The following CELF2 variants were observed in gnomAD, a reference collection of about 807,000 sequenced individuals.
The protein encoded by CELF2 is CUGBP Elav-like family member 2.
A neutral mutation model predicts 62.6 loss-of-function variants in CELF2; 8 were observed. The observed-to-expected ratio is 0.13, with a 90% CI of 0.07 to 0.23. The LOEUF is 0.23. Ranked by LOEUF, CELF2 falls within the 10% of genes least tolerant of loss-of-function variation. The probability of loss-of-function intolerance (pLI) is 1.00; values close to 1 mark genes in which losing one functional copy is unlikely to be tolerated. For missense variants in CELF2, 333 were observed against 671.0 expected, an observed-to-expected ratio of 0.50 and a Z score of 5.56; for synonymous variants, 258 against 250.0, an observed-to-expected ratio of 1.03 and a Z score of -0.30.
intron 1 of CELF2, among the ~76,000 whole-genome samples, chr10:10,851,589 C>A (rs1184723414): frequency 1.3e-5 from 2 of 152,174 alleles, no homozygotes; most frequent in African/African-American, 4.8e-5. Flanking sequence ...AATTGGACCT[C>A]ATTGAAACAA....
intron 1 of CELF2, among the ~76,000 whole-genome samples, chr10:10,828,000 TAAA>T (rs66721705): frequency 1.5e-4 from 9 of 60,712 alleles, no homozygotes; most frequent in East Asian, 1.1e-3. Context: ...AGGCTAGTCT[TAAA>T]AAAAAAAAAA....
At chr10:10,678,458 T>C in the CELF2 span, among the ~76,000 whole-genome samples, 6 of 152,132 alleles carry the variant, frequency 3.9e-5, no homozygotes, top group African/African-American at 1.4e-4. Flanking sequence ...GGTCTTTCCA[T>C]GGAACAGCAC....
the CELF2 span, among the ~76,000 whole-genome samples, chr10:10,513,508 T>C: frequency 6.6e-6 from 1 of 152,096 alleles, no homozygotes; most frequent in Non-Finnish European, 1.5e-5. Flanking sequence ...TCATCCAATA[T>C]AAACTGGGGA....
intron 2 of CELF2, among the ~76,000 whole-genome samples, chr10:10,941,596 T>C (rs2047056953): frequency 6.6e-6 from 1 of 152,186 alleles, no homozygotes; most frequent in African/African-American, 2.4e-5. Context: ...AACAGCCAAG[T>C]GACACCCAGC....
At position 11,330,739 on chromosome 10, in the gene CELF2, C is replaced by G. The variant is rs1566046516; in HGVS notation, c.*1686C>G. ...GAAAAAACCTGTGGCAAAAACGTTT[C>G]TTTCTTATTTTTTTTCTTTTCCTAA... is the stretch of plus-strand genomic sequence containing the variant. On this transcript the variant is annotated 3_prime_UTR_variant, in exon 13 of 13. Coordinates refer to ENST00000633077, the MANE Select transcript of CELF2 (RefSeq NM_001326342.2). This position sits in a 1 kb window ranked among gnomAD's most constrained non-coding sequence, Gnocchi z 4.5. 1 of 152,438 alleles carries G rather than the reference C, an allele frequency of 6.6e-6. No individual in the cohort carries two copies. Among genetic ancestry groups the G allele is most frequent in the Non-Finnish European group, 1.5e-5 (1 of 68,000 alleles). The allele number at this position is 152,438 out of a possible 1,614,324, so 9.4% of individuals were successfully genotyped here. A position where few individuals can be genotyped will look rare whatever the true frequency, so the allele number is the denominator to read the frequency against.
chr10:10,796,237 G>A (rs930840732), upstream of CELF2, among the ~76,000 whole-genome samples: 8 of 152,136 alleles, frequency 5.3e-5, no homozygotes, highest in African/African-American at 1.7e-4. Flanking sequence ...AACAAATGGG[G>A]AGTACAACTC....
chr10:11,315,203 C>G lies in CELF2; in HGVS notation c.1096+945C>G, dbSNP rs571593584. ...ATTTCCCTGTCCCTCCGTTTCAGAT[C>G]CCCTGGTTGCCTGAGAGTAGCCAAG... On this transcript the variant is annotated intron_variant, in intron 10 of 12. Transcript: ENST00000633077. The surrounding 1 kb of genome is among the most constrained non-coding windows in gnomAD (Gnocchi z 5.8). Among the ~76,000 whole-genome samples the G allele has an allele frequency of 6.6e-6, 1 of 152,156 alleles. No individual in the cohort carries two copies. Among genetic ancestry groups the G allele is most frequent in the East Asian group, 1.9e-4 (1 of 5,190 alleles).
intron 4 of CELF2, among the ~76,000 whole-genome samples, chr10:11,254,099 A>G (rs1292489824): frequency 2.0e-5 from 3 of 152,270 alleles, no homozygotes; most frequent in Admixed American, 2.0e-4. Context: ...AAAAAAGTTA[A>G]GTGAACTCAA....
At chr10:10,828,856 A>G (rs1009142375) in intron 1 of CELF2, among the ~76,000 whole-genome samples, 2 of 152,334 alleles carry the variant, frequency 1.3e-5, no homozygotes, top group South Asian at 4.1e-4. Context: ...GGATGAAGGA[A>G]TGCATGATCC....
At chr10:10,684,110 C>A in the CELF2 span, among the ~76,000 whole-genome samples, 1 of 152,136 alleles carries the variant, frequency 6.6e-6, no homozygotes, top group Non-Finnish European at 1.5e-5. Context: ...GGGATTCCTA[C>A]CTCGGGATGA....
chr10:11,333,867 G>A lies in CELF2; in HGVS notation c.*4814G>A, dbSNP rs1421264806. 6.6e-6 allele frequency: 1 copy of A among 152,152 alleles called. No homozygotes were observed. Among genetic ancestry groups the A allele is most frequent in the Non-Finnish European group, 1.5e-5 (1 of 67,974 alleles). 9.4% of individuals were successfully genotyped at this position (152,152 alleles called of 1,614,324 possible). A position where few individuals can be genotyped will look rare whatever the true frequency, so the allele number is the denominator to read the frequency against. On this transcript the variant is annotated 3_prime_UTR_variant, in exon 13 of 13. Coordinates refer to ENST00000633077, the MANE Select transcript of CELF2 (RefSeq NM_001326342.2). ...GATTGTACTTATGCATTTTGTACCAGTGGAACTTTTTATACTGGAGATTAA... is the reference window on the plus strand; with the variant it reads ...GATTGTACTTATGCATTTTGTACCAATGGAACTTTTTATACTGGAGATTAA...
At chr10:10,640,452 A>C in the CELF2 span, among the ~76,000 whole-genome samples, 1 of 152,100 alleles carries the variant, frequency 6.6e-6, no homozygotes. Context: ...AGCCTTCTCC[A>C]ATATCCCCTT....
the CELF2 span, among the ~76,000 whole-genome samples, chr10:10,531,630 G>T: frequency 6.6e-6 from 1 of 152,152 alleles, no homozygotes; most frequent in Non-Finnish European, 1.5e-5. Context: ...TAAGCCAGGT[G>T]CACTCTTCAC....
the CELF2 span, among the ~76,000 whole-genome samples, chr10:10,669,467 C>A: frequency 6.6e-6 from 1 of 152,196 alleles, no homozygotes; most frequent in African/African-American, 2.4e-5. Context: ...GCTTGGTTCC[C>A]ACCTGACTGC....
intron 11 of CELF2, among the ~76,000 whole-genome samples, chr10:11,325,378 G>A (rs931560532): frequency 2.6e-5 from 4 of 152,188 alleles, no homozygotes; most frequent in East Asian, 1.9e-4. Flanking sequence ...TAGAGAAATC[G>A]GAGCAGCATT....
chr10:10,613,217 G>C, the CELF2 span, among the ~76,000 whole-genome samples: 66,192 of 151,874 alleles, frequency 0.44, 14,835 homozygotes, highest in South Asian at 0.7. Flanking sequence ...AGTTTTTTCT[G>C]TTCGTCCTCA....
rs528506023 is a variant in CELF2, at chr10:11,234,714, A to G, written c.355-14439A>G. On this transcript the variant is annotated intron_variant, in intron 3 of 12. Coordinates refer to ENST00000633077, the MANE Select transcript of CELF2 (RefSeq NM_001326342.2). ...AAAAAAAAAAAAATTCAAGTTCTTT[A>G]CAAACTGGTGGGTGGGGGTGAGAGG... is the stretch of plus-strand genomic sequence containing the variant. Among the ~76,000 whole-genome samples the G allele has an allele frequency of 3.4e-5, 5 of 148,428 alleles. No individual in the cohort carries two copies. In the South Asian group the frequency reaches 6.4e-4, roughly 19 times the overall value.
the CELF2 span, among the ~76,000 whole-genome samples, chr10:10,507,402 C>A: frequency 6.6e-6 from 1 of 152,074 alleles, no homozygotes; most frequent in Non-Finnish European, 1.5e-5. Flanking sequence ...TCTTTCCAAG[C>A]AGGCCTGGAG....
At chr10:10,629,854 T>C in the CELF2 span, among the ~76,000 whole-genome samples, 1 of 90,862 alleles carries the variant, frequency 1.1e-5, no homozygotes, top group Non-Finnish European at 1.9e-5. Context: ...AAAGCACGGC[T>C]GAAGACCAAA....
Sources: gnomAD v4.1 joint callset for allele counts (sites outside exome capture counted in the v4.1 genomes callset) on GRCh38, gnomAD v4.1.1 for gene constraint, Gnocchi (gnomAD v3.1) non-coding constraint, MANE v1.5 for transcripts, NCBI Gene and HGNC (gene_info 2026-07-23, HGNC 2026-07-21) for gene names.